The following CLOCK variants were observed in gnomAD, a reference collection of about 807,000 sequenced individuals.
The protein encoded by CLOCK is circadian locomoter output cycles protein kaput.
CLOCK carries 43 observed loss-of-function variants against 118.4 expected under a neutral mutation model. The observed-to-expected ratio is 0.36, with a 90% CI of 0.28 to 0.47. The LOEUF is 0.47. Among genes scored for constraint, CLOCK ranks in the 20% least tolerant of loss-of-function variants. CLOCK has a pLI of 1.00. For missense variants in CLOCK, 846 were observed against 999.9 expected, an observed-to-expected ratio of 0.85 and a Z score of 2.08; for synonymous variants, 326 against 339.2, an observed-to-expected ratio of 0.96 and a Z score of 0.43.
chr4:55,476,118 A>T, intron 6 of CLOCK, 64 bp from the exon 7 acceptor site: 1 of 1,026,262 alleles, frequency 9.7e-7, no homozygotes, highest in Admixed American at 1.7e-5. Context: ...AAGCCCTACA[A>T]GTTATCTTGT....
In CLOCK at chr4:55,455,906, GAC is replaced by G; in HGVS notation, c.971_972del (p.Cys324SerfsTer2). The G allele has an allele frequency of 6.2e-7, 1 of 1,611,982 alleles. No individual in the cohort carries two copies. Among genetic ancestry groups the G allele is most frequent in the Admixed American group, 1.7e-5 (1 of 59,990 alleles). ...HVDDLENLAK[C>X]HEHLMQYGKG... ...GTTAAAATCTACTTACAGTGCTCAT[GAC>G]ATTTTGCCAAATTTTCTAGGTCATC... On this transcript the variant is annotated frameshift_variant, in exon 13 of 23. Transcript: ENST00000513440. LOFTEE classifies it high-confidence loss of function.
rs1046428564 is a variant in CLOCK at position 55,459,129 on chromosome 4, G to A, written c.673+19C>T. ...AATAACAAGTTAAAACACATTGTGA[G>A]AGAAGCATTTTAACTCACCACTGTT... On this transcript the variant is annotated intron_variant, in intron 10 of 22. Coordinates refer to ENST00000513440, the MANE Select transcript of CLOCK (RefSeq NM_004898.4). 6.7e-7 allele frequency: 1 copy of A among 1,494,398 alleles called. No individual in the cohort carries two copies. The allele number at this position is 1,494,398 out of a possible 1,614,324, so 92.6% of individuals were successfully genotyped here. A position where few individuals can be genotyped will look rare whatever the true frequency, so the allele number is the denominator to read the frequency against.
At chr4:55,500,481 T>C (rs1728361959) in intron 2 of CLOCK, among the ~76,000 whole-genome samples, 1 of 151,844 alleles carries the variant, frequency 6.6e-6, no homozygotes, top group Non-Finnish European at 1.5e-5. Flanking sequence ...GTAGCTGGGA[T>C]TACAGGTACA....
In CLOCK at chr4:55,485,246, T is replaced by A. The variant is rs117644610; in HGVS notation, c.-43-2418A>T. ...TCCCAAAGTGCTGGGATTACAGGTG[T>A]GAGCCACCATGACCGGTCAGATATA... On this transcript the variant is annotated intron_variant, in intron 3 of 22. Coordinates refer to ENST00000513440, the MANE Select transcript of CLOCK (RefSeq NM_004898.4). Among the ~76,000 whole-genome samples, 214 of 152,284 alleles carry A rather than the reference T, an allele frequency of 1.4e-3. 4 individuals are homozygous for A. In the East Asian group the frequency reaches 0.039, roughly 28 times the overall value.
intron 2 of CLOCK, among the ~76,000 whole-genome samples, chr4:55,508,610 T>TTGG (rs1728953681): frequency 6.8e-6 from 1 of 147,058 alleles, no homozygotes; most frequent in African/African-American, 2.5e-5. Context: ...TTTTTTTTTT[T>TTGG]GAGACGGAGT....
rs546333160 is a variant in CLOCK at position 55,492,799 on chromosome 4, AGC to A, written c.-135-3336_-135-3335del. Among the ~76,000 whole-genome samples the A allele has an allele frequency of 4.2e-3, 640 of 152,230 alleles. 6 individuals carry two copies. The highest frequency in any genetic ancestry group is 0.015 in the African/African-American group (613 of 41,536). On this transcript the variant is annotated intron_variant, in intron 2 of 22. Coordinates refer to ENST00000513440, the MANE Select transcript of CLOCK (RefSeq NM_004898.4). ...AGCGGAGGTTGCAGTGAGCCGAGATAGCGCCACTGCACTCTGACCTGGGTGAC... is the reference window on the plus strand; with the variant it reads ...AGCGGAGGTTGCAGTGAGCCGAGATAGCCACTGCACTCTGACCTGGGTGAC...
chr4:55,466,243 CCCCT>C (rs1420201566), intron 8 of CLOCK, among the ~76,000 whole-genome samples: 2 of 152,026 alleles, frequency 1.3e-5, no homozygotes, highest in African/African-American at 2.4e-5. Context: ...AGGGGCTTTT[CCCCT>C]TTTGGCTCAG....
chr4:55,468,666 G>C (rs1024885730), intron 8 of CLOCK, among the ~76,000 whole-genome samples: 5 of 152,132 alleles, frequency 3.3e-5, no homozygotes, highest in Non-Finnish European at 7.4e-5. Flanking sequence ...ATTGCAACAA[G>C]TATCTCAGCA....
chr4:55,524,016 AT>A (rs1730009909), intron 1 of CLOCK, among the ~76,000 whole-genome samples: 1 of 152,092 alleles, frequency 6.6e-6, no homozygotes, highest in Non-Finnish European at 1.5e-5. Context: ...TATCCAGTAA[AT>A]TTTGGCATGC....
chr4:55,519,486 T>A (rs1432947982), intron 1 of CLOCK, among the ~76,000 whole-genome samples: 3 of 152,160 alleles, frequency 2.0e-5, no homozygotes, highest in Non-Finnish European at 2.9e-5. Flanking sequence ...GAGGCAGATC[T>A]TAAGAATAAA....
chr4:55,472,694 G>A (rs1726227464), intron 7 of CLOCK, among the ~76,000 whole-genome samples: 1 of 151,698 alleles, frequency 6.6e-6, no homozygotes, highest in African/African-American at 2.4e-5. Context: ...CTAACTCTAT[G>A]TAATTGACGA....
chr4:55,462,933 TGTCA>T (rs1424202245), intron 9 of CLOCK, among the ~76,000 whole-genome samples: 1 of 152,110 alleles, frequency 6.6e-6, no homozygotes, highest in East Asian at 1.9e-4. Flanking sequence ...TTTAAGATAA[TGTCA>T]GTATTAGCAG....
rs1386273006 is a variant in CLOCK, at chr4:55,540,375, A to AGAGAGGAGGG, written c.-290+6397_-290+6406dup. On this transcript the variant is annotated intron_variant, in intron 1 of 22. Transcript: ENST00000513440. The stretch of plus-strand genomic sequence containing the variant: ...ATGTGCTATTTTTTAATTGGGGGCA[A>AGAGAGGAGGG]GAGAGGAGGGGAGAGGAGGGGAGGG... The AGAGAGGAGGG allele has an allele frequency of 2.6e-3, 348 of 131,928 alleles. 1 individual carries two copies. The highest frequency in any genetic ancestry group is 9.1e-3 in the African/African-American group (324 of 35,726). 8.2% of individuals were successfully genotyped at this position (131,928 alleles called of 1,614,324 possible).
intron 22 of CLOCK, 67 bp downstream of exon 22, chr4:55,438,215 C>T (rs1723046839): frequency 1.9e-6 from 3 of 1,560,040 alleles, no homozygotes; most frequent in Non-Finnish European, 2.6e-6. Flanking sequence ...AATCTGTTCA[C>T]TTAATGCTTA....
chr4:55,503,625 T>C (rs1560462734), intron 2 of CLOCK, among the ~76,000 whole-genome samples: 1 of 152,192 alleles, frequency 6.6e-6, no homozygotes, highest in East Asian at 1.9e-4. Context: ...AAGTTAGTGA[T>C]ATCATGTCAG....
chr4:55,480,312 T>A (rs1037306375), intron 4 of CLOCK, among the ~76,000 whole-genome samples: 1 of 152,236 alleles, frequency 6.6e-6, no homozygotes, highest in Non-Finnish European at 1.5e-5. Context: ...CTGCCCAGAC[T>A]GGAGTGCAGT....
rs759191531 is a variant in CLOCK, at chr4:55,489,451, A to G, written c.-121T>C. On this transcript the variant is annotated 5_prime_UTR_variant, in exon 3 of 23. It removes an upstream start codon present in the reference 5' UTR. Coordinates refer to ENST00000513440, the MANE Select transcript of CLOCK (RefSeq NM_004898.4). ...AAGGTACTCTTCTATATGACCAACC[A>G]TAAGTCTCAGAATTCTGTTTAAACA... 11 of 152,188 alleles carry G rather than the reference A, an allele frequency of 7.2e-5. No individual in the cohort carries two copies. The highest frequency in any genetic ancestry group is 3.9e-4 in the Admixed American group (6 of 15,262). The allele number at this position is 152,188 out of a possible 1,614,324, so 9.4% of individuals were successfully genotyped here. A position where few individuals can be genotyped will look rare whatever the true frequency, so the allele number is the denominator to read the frequency against.
intron 1 of CLOCK, among the ~76,000 whole-genome samples, chr4:55,530,080 A>G (rs947092726): frequency 1.4e-5 from 2 of 147,704 alleles, no homozygotes; most frequent in African/African-American, 4.9e-5. Flanking sequence ...GGAAATAATA[A>G]AAGAACATTT....
At position 55,470,823 on chromosome 4, in the gene CLOCK, T is replaced by C. The variant is rs770005301; in HGVS notation, c.349-17A>G. 13 of 1,538,546 alleles carry C rather than the reference T, an allele frequency of 8.4e-6. No homozygotes were observed. Among genetic ancestry groups the C allele is most frequent in the Middle Eastern group, 1.7e-4 (1 of 5,872 alleles). On this transcript the variant is annotated splice_polypyrimidine_tract_variant and intron_variant, in intron 7 of 22. Coordinates refer to ENST00000513440, the MANE Select transcript of CLOCK (RefSeq NM_004898.4). ...ATCAAGAGCCTGAAATTAAACATAA[T>C]GATATGTTAAATGAAAAGAAAAAAG...
Sources: allele counts gnomAD v4.1 joint callset (sites outside exome capture counted in the v4.1 genomes callset), GRCh38; gene constraint gnomAD v4.1.1; transcripts MANE v1.5; gene names NCBI Gene and HGNC (gene_info 2026-07-23, HGNC 2026-07-21).